Variants in SNX30 observed in about 807,000 individuals in gnomAD.
SNX30 encodes sorting nexin family member 30.
In SNX30, 24 loss-of-function variants were observed where a neutral mutation model predicts 46.4. The observed-to-expected ratio is 0.52, with a 90% CI of 0.37 to 0.73. The LOEUF is 0.73. SNX30 is among the 30% of genes least tolerant of loss of function. The pLI is 0.00. For missense variants in SNX30, 533 were observed against 555.7 expected, an observed-to-expected ratio of 0.96 and a Z score of 0.41; for synonymous variants, 189 against 211.5, an observed-to-expected ratio of 0.89 and a Z score of 0.92.
At chr9:112,860,896 C>T (rs1279733790) in intron 7 of SNX30, among the ~76,000 whole-genome samples, 1 of 152,180 alleles carries the variant, frequency 6.6e-6, no homozygotes, top group Non-Finnish European at 1.5e-5. Context: ...TTATTGAGCA[C>T]TTACTATATG....
intron 1 of SNX30, among the ~76,000 whole-genome samples, chr9:112,755,036 G>A (rs11794186): frequency 0.017 from 2,542 of 152,168 alleles, 56 homozygotes; most frequent in East Asian, 0.12. Context: ...CATTCTTTTT[G>A]TTCATTTGAT....
chr9:112,822,449 G>A (rs566132040), intron 3 of SNX30, among the ~76,000 whole-genome samples: 1 of 151,016 alleles, frequency 6.6e-6, no homozygotes, highest in East Asian at 2.0e-4. Context: ...CGATAGGCTT[G>A]TATGTACCCC....
chr9:112,810,638 G>A (rs1840305106), intron 2 of SNX30, among the ~76,000 whole-genome samples: 1 of 152,132 alleles, frequency 6.6e-6, no homozygotes, highest in South Asian at 2.1e-4. Flanking sequence ...TCTGGGAGAG[G>A]CTGTGGAATG....
intron 6 of SNX30, among the ~76,000 whole-genome samples, chr9:112,848,705 T>C (rs1237369609): frequency 6.6e-6 from 1 of 152,224 alleles, no homozygotes; most frequent in Non-Finnish European, 1.5e-5. Context: ...CTGGCCACGC[T>C]GGATAACACT....
At chr9:112,798,277 C>A (rs1318151996) in intron 1 of SNX30, among the ~76,000 whole-genome samples, 47 of 66,142 alleles carry the variant, frequency 7.1e-4, no homozygotes, top group Middle Eastern at 4.8e-3. Context: ...ATCCCTCCCC[C>A]CTCCCCCGAC....
At chr9:112,842,017 C>A (rs1840867915) in intron 6 of SNX30, among the ~76,000 whole-genome samples, 1 of 152,164 alleles carries the variant, frequency 6.6e-6, no homozygotes, top group Non-Finnish European at 1.5e-5. Flanking sequence ...GATCTTGGCT[C>A]ACTGCAACCT....
chr9:112,759,566 A>T (rs1270593317), intron 1 of SNX30, among the ~76,000 whole-genome samples: 1 of 152,088 alleles, frequency 6.6e-6, no homozygotes, highest in Non-Finnish European at 1.5e-5. Context: ...TGTCTCTACT[A>T]AAAATACAAA....
intron 8 of SNX30, 60 bp from the exon 9 acceptor site, chr9:112,868,724 G>C (rs1043405024): frequency 1.3e-6 from 2 of 1,584,102 alleles, no homozygotes; most frequent in African/African-American, 1.3e-5. Context: ...GAGCAGAATT[G>C]AAGCTGACCC....
intron 1 of SNX30, among the ~76,000 whole-genome samples, chr9:112,768,271 C>T (rs539653972): frequency 1.1e-4 from 17 of 152,322 alleles, no homozygotes; most frequent in African/African-American, 3.8e-4. Flanking sequence ...CCGTGCTAAG[C>T]TCATCCTCCT....
In SNX30 at chr9:112,832,510, G is replaced by GAGAGAGA. The variant is rs376705361; in HGVS notation, c.618+1629_618+1630insAGAGAAG. ...TGTGTGTGTGTGAGAGAGAGAGAGAGAGGAGATTTATCTATCTGTGGGCCA... is the reference window on the plus strand; with the variant it reads ...TGTGTGTGTGTGAGAGAGAGAGAGAGAGAGAGAAGGAGATTTATCTATCTGTGGGCCA... On this transcript the variant is annotated intron_variant, in intron 4 of 8. Transcript: ENST00000374232. Among the ~76,000 whole-genome samples the GAGAGAGA allele has an allele frequency of 8.6e-3, 1,206 of 139,538 alleles. 29 individuals carry two copies. The highest frequency in any genetic ancestry group is 0.031 in the African/African-American group (1,115 of 36,038). The allele number at this position is 139,538 out of a possible 152,430, so 91.5% of individuals were successfully genotyped here.
intron 1 of SNX30, among the ~76,000 whole-genome samples, chr9:112,788,787 G>A (rs967420452): frequency 1.3e-5 from 2 of 152,046 alleles, no homozygotes; most frequent in African/African-American, 4.8e-5. Flanking sequence ...AAGAGAGCAG[G>A]ATTTCAGGAT....
chr9:112,766,238 C>T (rs1420407981), intron 1 of SNX30, among the ~76,000 whole-genome samples: 2 of 152,162 alleles, frequency 1.3e-5, no homozygotes, highest in African/African-American at 4.8e-5. Flanking sequence ...TTCCTCCACC[C>T]CTCCAGTGTT....
intron 1 of SNX30, among the ~76,000 whole-genome samples, chr9:112,794,213 C>T (rs929400086): frequency 1.3e-5 from 2 of 151,896 alleles, no homozygotes; most frequent in Admixed American, 6.6e-5. Flanking sequence ...AGTGCAGTGG[C>T]GTGATCTCAG....
At chr9:112,827,189 C>T (rs1166796736) in intron 3 of SNX30, among the ~76,000 whole-genome samples, 1 of 152,210 alleles carries the variant, frequency 6.6e-6, no homozygotes, top group Non-Finnish European at 1.5e-5. Flanking sequence ...TCCCCTGAAG[C>T]TGCTGCCAGT....
chr9:112,795,026 A>G (rs1840085801), intron 1 of SNX30, among the ~76,000 whole-genome samples: 1 of 152,224 alleles, frequency 6.6e-6, no homozygotes, highest in Non-Finnish European at 1.5e-5. Context: ...CCTTTGTTAT[A>G]ATAAAATCAT....
At chr9:112,825,786 A>G (rs999475337) in intron 3 of SNX30, among the ~76,000 whole-genome samples, 3 of 152,152 alleles carry the variant, frequency 2.0e-5, no homozygotes, top group Non-Finnish European at 2.9e-5. Context: ...TTTACAGACT[A>G]TAGATGGACT....
At chr9:112,768,277 C>T (rs1367662850) in intron 1 of SNX30, among the ~76,000 whole-genome samples, 1 of 152,164 alleles carries the variant, frequency 6.6e-6, no homozygotes, top group Admixed American at 6.5e-5. Flanking sequence ...TAAGCTCATC[C>T]TCCTCTCGAT....
At chr9:112,877,257 T>C (rs1386231754), downstream of SNX30, 1 of 152,232 alleles carries the variant, frequency 6.6e-6, no homozygotes, top group Non-Finnish European at 1.5e-5. Flanking sequence ...ATACTTGGGC[T>C]TTGAGAGCTC....
rs1466023271 is a variant in SNX30, at chr9:112,835,761, C to G, written c.619-453C>G. On this transcript the variant is annotated intron_variant, in intron 4 of 8. Transcript: ENST00000374232. ...GAGTTTTCTAGCAATGTTTTTCTGC[C>G]ACTGTTTCCTGCTTTCCACCCTTTA... Among the ~76,000 whole-genome samples the G allele has an allele frequency of 3.9e-5, 6 of 152,156 alleles. No individual in the cohort carries two copies. In the East Asian group the frequency reaches 1.2e-3, roughly 29 times the overall value.
Sources: allele counts gnomAD v4.1 joint callset (sites outside exome capture counted in the v4.1 genomes callset), GRCh38; gene constraint gnomAD v4.1.1; transcripts MANE v1.5; gene names NCBI Gene and HGNC (gene_info 2026-07-23, HGNC 2026-07-21).